Variants in RPP40 observed in about 807,000 individuals in gnomAD.
RPP40 encodes ribonuclease P/MRP subunit p40.
In RPP40, 30 loss-of-function variants were observed where a neutral mutation model predicts 42.5. That is an observed-to-expected ratio of 0.71 (90% CI 0.53 to 0.96). The LOEUF is 0.96. Among genes scored for constraint, RPP40 ranks in the 40% least tolerant of loss-of-function variants. RPP40 has a pLI of 0.00. For missense variants in RPP40, 426 were observed against 433.5 expected (o/e 0.98, Z 0.15); for synonymous variants, 173 against 164.0 (o/e 1.05, Z -0.42).
chr6:4,990,198 A>G (rs1219454917), downstream of RPP40, among the ~76,000 whole-genome samples: 1 of 152,062 alleles, frequency 6.6e-6, no homozygotes, highest in Non-Finnish European at 1.5e-5. Flanking sequence ...ATTCTTTTTT[A>G]GCTTGTTTAT....
In RPP40 at chr6:5,000,590, C is replaced by A; in HGVS notation, c.310G>T (p.Asp104Tyr). The change falls in exon 3 of 8, where the codon GAT (aspartate) becomes TAT (tyrosine). Residue 104 changes from aspartate (D) to tyrosine (Y), a missense_variant. Coordinates refer to ENST00000380051, the MANE Select transcript of RPP40 (RefSeq NM_006638.4). Reference sequence around the variant, plus strand: ...TTTGGTAGCAGGGCAACAGTATTATCTTCATCAATATGTGTATTGTATGTT... The same window carrying A: ...TTTGGTAGCAGGGCAACAGTATTATATTCATCAATATGTGTATTGTATGTT... ...ALTYNTHIDEDNTVALLPNGK... is the reference protein window; with the variant it reads ...ALTYNTHIDEYNTVALLPNGK... 1 of 1,584,654 alleles carries A rather than the reference C, an allele frequency of 6.3e-7. No individual in the cohort carries two copies. Among genetic ancestry groups the A allele is most frequent in the Non-Finnish European group, 8.6e-7 (1 of 1,156,750 alleles).
chr6:4,998,524 C>A (rs997808750), intron 5 of RPP40, among the ~76,000 whole-genome samples, 192 bp downstream of exon 5: 2 of 152,174 alleles, frequency 1.3e-5, no homozygotes, highest in African/African-American at 4.8e-5. Context: ...GAAAGGCCTG[C>A]GTGCCTACAT....
intron 1 of RPP40, 68 bp downstream of exon 1, chr6:5,003,812 T>C: frequency 6.6e-7 from 1 of 1,526,152 alleles, no homozygotes; most frequent in Non-Finnish European, 8.8e-7. Flanking sequence ...AGCCTAGCAC[T>C]CTCCCCAAAC....
Position 4,995,968 on chromosome 6 carries a change from G to C in RPP40, c.876C>G (p.Leu292=). 6.2e-7 allele frequency: 1 copy of C among 1,614,038 alleles called. No homozygotes were observed. The highest frequency in any genetic ancestry group is 1.1e-5 in the South Asian group (1 of 91,072). Residue 292 remains leucine, a synonymous_variant, in exon 7 of 8, where the codon CTC becomes CTG. Coordinates refer to ENST00000380051, the MANE Select transcript of RPP40 (RefSeq NM_006638.4). The part of the protein sequence containing the change: ...TGFILPEKIC[L]LLEHLCHYFD... ...GTTCTCACCAGAGATGTTCCAATAG[G>C]AGACAGATCTTCTCTGGAAGTATGA...
At chr6:5,003,106 T>C (rs1169697125) in intron 1 of RPP40, among the ~76,000 whole-genome samples, 2 of 151,874 alleles carry the variant, frequency 1.3e-5, no homozygotes, top group African/African-American at 4.8e-5. Context: ...CCCAGCACTT[T>C]GGGAGGCCGA....
At chr6:5,001,869 T>C (rs1759568221) in intron 2 of RPP40, 1 of 436,522 alleles carries the variant, frequency 2.3e-6, no homozygotes, top group Non-Finnish European at 4.1e-6. Context: ...GATACTGTCA[T>C]GTTACAACAT....
At chr6:4,996,791 A>T (rs1759398333) in intron 5 of RPP40, among the ~76,000 whole-genome samples, 2 of 152,212 alleles carry the variant, frequency 1.3e-5, no homozygotes, top group South Asian at 2.1e-4. Context: ...ACCTCTATTA[A>T]AGAAAAAGAA....
downstream of RPP40, among the ~76,000 whole-genome samples, chr6:4,991,456 T>G (rs1759260846): frequency 6.6e-6 from 1 of 152,194 alleles, no homozygotes; most frequent in Non-Finnish European, 1.5e-5. Context: ...CAAAATTGAG[T>G]TGTTTCTCCA....
chr6:4,994,577 C>G (rs1386130130), downstream of RPP40, among the ~76,000 whole-genome samples: 1 of 152,204 alleles, frequency 6.6e-6, no homozygotes, highest in Non-Finnish European at 1.5e-5. Flanking sequence ...CTAGGCTGGC[C>G]TGAGATCAAG....
chr6:4,995,883 A>T, intron 7 of RPP40, 68 bp downstream of exon 7: 1 of 1,490,284 alleles, frequency 6.7e-7, no homozygotes, highest in Non-Finnish European at 9.1e-7. Context: ...AAATGAAAAA[A>T]TCTATACTAT....
chr6:4,999,096 C>A (rs773235225), intron 4 of RPP40, among the ~76,000 whole-genome samples: 16 of 151,990 alleles, frequency 1.1e-4, no homozygotes, highest in Non-Finnish European at 1.6e-4. Flanking sequence ...GGGCAGAGGA[C>A]CTTGAGAGGT....
chr6:4,997,589 C>T lies in RPP40; in HGVS notation c.559+1127G>A, dbSNP rs575541610. On this transcript the variant is annotated intron_variant, in intron 5 of 7. Coordinates refer to ENST00000380051, the MANE Select transcript of RPP40 (RefSeq NM_006638.4). The stretch of plus-strand genomic sequence containing the variant: ...GGTCTCCCACTTGCAGACAGCCTGT[C>T]GTGGGACTCCTCAGCCTCCATAACT... Among the ~76,000 whole-genome samples the T allele has an allele frequency of 1.8e-4, 27 of 152,320 alleles. No individual in the cohort carries two copies. The South Asian group carries it at 5.6e-3, about 32-fold the overall frequency.
intron 7 of RPP40, 104 bp downstream of exon 7, chr6:4,995,847 A>G: frequency 9.0e-7 from 1 of 1,115,550 alleles, no homozygotes; most frequent in Non-Finnish European, 1.3e-6. Context: ...CTTTCAATGT[A>G]CATTTTATTT....
At chr6:5,000,001 T>C in intron 3 of RPP40, 97 bp from the exon 4 acceptor site, 2 of 686,556 alleles carry the variant, frequency 2.9e-6, no homozygotes, top group South Asian at 3.5e-5. Context: ...TAGATATCAA[T>C]GTAACAAACT....
At chr6:5,002,346 G>C in intron 1 of RPP40, 101 bp from the exon 2 acceptor site, 1 of 997,608 alleles carries the variant, frequency 1.0e-6, no homozygotes, top group Non-Finnish European at 1.4e-6. Context: ...ATTTCTCCAC[G>C]AGTTTCACTG....
At position 4,995,040 on chromosome 6, in the gene RPP40, C is replaced by A. The variant is rs374981562; in HGVS notation, c.*38G>T. Reference sequence around the variant, plus strand: ...TACCATTAAGAAATCTGAAAGCAAGCGTAAATGTAAGTAAACACGATTTTT... The same window carrying A: ...TACCATTAAGAAATCTGAAAGCAAGAGTAAATGTAAGTAAACACGATTTTT... On this transcript the variant is annotated 3_prime_UTR_variant, in exon 8 of 8. Coordinates refer to ENST00000380051, the MANE Select transcript of RPP40 (RefSeq NM_006638.4). 8 of 1,534,968 alleles carry A rather than the reference C, an allele frequency of 5.2e-6. No individual in the cohort carries two copies. The African/African-American group carries it at 6.9e-5, about 13-fold the overall frequency.
chr6:5,000,444 T>A (rs1376175322), intron 3 of RPP40, 119 bp downstream of exon 3: 3 of 651,566 alleles, frequency 4.6e-6, no homozygotes, highest in Non-Finnish European at 8.0e-6. Context: ...TGCTTTGGCC[T>A]CCCAAAGTGC....
At chr6:4,995,819 A>G (rs1014916296) in intron 7 of RPP40, 132 bp downstream of exon 7, 2 of 756,868 alleles carry the variant, frequency 2.6e-6, no homozygotes, top group Non-Finnish European at 4.3e-6. Flanking sequence ...CGGTCTTTGC[A>G]ATAGGCGATT....
chr6:4,993,850 C>T (rs1759295877), downstream of RPP40, among the ~76,000 whole-genome samples: 1 of 151,714 alleles, frequency 6.6e-6, no homozygotes, highest in Admixed American at 6.6e-5. Flanking sequence ...CTAGTTTACC[C>T]CTACATTGCA....
Sources: allele counts gnomAD v4.1 joint callset (sites outside exome capture counted in the v4.1 genomes callset), GRCh38; gene constraint gnomAD v4.1.1; transcripts MANE v1.5; gene names NCBI Gene and HGNC (gene_info 2026-07-23, HGNC 2026-07-21).